The following BMERB1 variants were observed in gnomAD, a reference collection of about 807,000 sequenced individuals.
BMERB1 encodes the protein bMERB domain containing 1, also known as bMERB domain-containing protein 1.
Under a neutral mutation model 23.6 loss-of-function variants are expected in BMERB1, and 12 were observed. That is an observed-to-expected ratio of 0.51 (90% CI 0.33 to 0.82). BMERB1 has a LOEUF of 0.82. Among genes scored for constraint, BMERB1 ranks in the 40% least tolerant of loss-of-function variants. The probability of loss-of-function intolerance (pLI) is 0.03; values close to 1 mark genes in which losing one functional copy is unlikely to be tolerated. For missense variants in BMERB1, 247 were observed against 255.4 expected (o/e 0.97, Z 0.22); for synonymous variants, 122 against 96.6 (o/e 1.26, Z -1.54).
intron 2 of BMERB1, among the ~76,000 whole-genome samples, chr16:15,547,466 C>T (rs937168106): frequency 5.3e-5 from 8 of 151,718 alleles, no homozygotes; most frequent in African/African-American, 1.9e-4. Flanking sequence ...TGCAGCCTCC[C>T]AAAGTAGCTA....
intron 2 of BMERB1, among the ~76,000 whole-genome samples, chr16:15,548,952 A>G (rs4781673): frequency 0.21 from 31,308 of 151,918 alleles, 3,748 homozygotes; most frequent in East Asian, 0.52. Flanking sequence ...GCTAAGCAGG[A>G]ATGGGTGGGA....
Position 15,435,919 on chromosome 16 carries a change from T to C in BMERB1, c.106+1160T>C, listed in dbSNP as rs981122485. 3.9e-5 allele frequency among the ~76,000 whole-genome samples: 6 copies of C among 152,276 alleles called. 1 individual carries two copies. In the East Asian group the frequency reaches 1.2e-3, roughly 29 times the overall value. On this transcript the variant is annotated intron_variant, in intron 1 of 5. Transcript: ENST00000300006. ...GATGTCATAGCACTGCCAACCTCTT[T>C]CCTTTTCTTTTTTTTTCTCCCTTTT... is the stretch of plus-strand genomic sequence containing the variant.
rs146875454 is a variant in BMERB1 at position 15,585,057 on chromosome 16, C to G, written c.503-1660C>G. On this transcript the variant is annotated intron_variant, in intron 5 of 5. Transcript: ENST00000300006. ...CCAAAAGCTGCCACTGTCTATAAAA[C>G]TACAAACCCAGTTTTCATTAACATC... is the stretch of plus-strand genomic sequence containing the variant. Among the ~76,000 whole-genome samples, 213 of 152,326 alleles carry G rather than the reference C, an allele frequency of 1.4e-3. 1 individual carries two copies. Among genetic ancestry groups the G allele is most frequent in the South Asian group, 2.5e-3 (12 of 4,824 alleles).
intron 2 of BMERB1, among the ~76,000 whole-genome samples, chr16:15,528,833 C>T (rs571359713): frequency 2.0e-5 from 3 of 152,154 alleles, no homozygotes; most frequent in East Asian, 3.9e-4. Flanking sequence ...GTCATGAGGG[C>T]AGATCCTCAT....
chr16:15,459,269 A>G (rs116859118), intron 1 of BMERB1, among the ~76,000 whole-genome samples: 6 of 152,240 alleles, frequency 3.9e-5, no homozygotes, highest in Non-Finnish European at 8.8e-5. Context: ...TGTAAATCCA[A>G]CCACATCAAT....
chr16:15,484,938 G>T (rs2051355283), intron 1 of BMERB1, among the ~76,000 whole-genome samples: 1 of 152,080 alleles, frequency 6.6e-6, no homozygotes, highest in Admixed American at 6.5e-5. Flanking sequence ...TGGATCCAAG[G>T]GATCAAATGC....
At chr16:15,487,108 C>T (rs1007451250) in intron 1 of BMERB1, among the ~76,000 whole-genome samples, 1 of 152,062 alleles carries the variant, frequency 6.6e-6, no homozygotes, top group Non-Finnish European at 1.5e-5. Flanking sequence ...GCTGAATAAC[C>T]ATTACTAAGA....
At chr16:15,542,212 T>C (rs13331486) in intron 2 of BMERB1, among the ~76,000 whole-genome samples, 19,581 of 151,890 alleles carry the variant, frequency 0.13, 3,970 homozygotes, top group African/African-American at 0.43. Context: ...TACAGGCACG[T>C]GCCATCACAC....
chr16:15,502,178 C>A, intron 1 of BMERB1: 2 of 1,018,948 alleles, frequency 2.0e-6, no homozygotes, highest in South Asian at 1.5e-5. Context: ...TCCTGAATTA[C>A]TTTTGTGTCC....
intron 1 of BMERB1, among the ~76,000 whole-genome samples, chr16:15,476,319 T>C (rs753008025): frequency 1.3e-5 from 2 of 151,956 alleles, no homozygotes; most frequent in Non-Finnish European, 2.9e-5. Context: ...CCCACCACCA[T>C]ACCCGGCTAA....
intron 1 of BMERB1, among the ~76,000 whole-genome samples, chr16:15,482,107 T>C (rs1457013080): frequency 6.6e-6 from 1 of 152,082 alleles, no homozygotes; most frequent in African/African-American, 2.4e-5. Context: ...CCTGGCAGGA[T>C]AGGGTCCACT....
chr16:15,447,090 C>G (rs780043689), intron 1 of BMERB1, among the ~76,000 whole-genome samples: 4 of 152,164 alleles, frequency 2.6e-5, no homozygotes, highest in African/African-American at 4.8e-5. Flanking sequence ...CTCTGAATTT[C>G]AGTTTTCTCA....
chr16:15,574,068 G>A (rs1453614999), intron 3 of BMERB1, among the ~76,000 whole-genome samples: 1 of 149,966 alleles, frequency 6.7e-6, no homozygotes, highest in Admixed American at 6.7e-5. Flanking sequence ...AGGTTTCATT[G>A]ACTCACAGTT....
rs149168882 is a variant in BMERB1, at chr16:15,585,717, C to G, written c.503-1000C>G. ...TGGTGGCGCACACCTGTAATCCCAG[C>G]TACTCAGGAGGCTGAGCAGGAGAAT... is the stretch of plus-strand genomic sequence containing the variant. On this transcript the variant is annotated intron_variant, in intron 5 of 5. Coordinates refer to ENST00000300006, the MANE Select transcript of BMERB1 (RefSeq NM_033201.3). Among the ~76,000 whole-genome samples the G allele has an allele frequency of 7.8e-3, 1,194 of 152,232 alleles. 20 individuals carry two copies. The highest frequency in any genetic ancestry group is 0.028 in the African/African-American group (1,162 of 41,534).
chr16:15,582,107 A>G (rs1239424843), intron 4 of BMERB1, among the ~76,000 whole-genome samples: 4 of 152,166 alleles, frequency 2.6e-5, no homozygotes, highest in African/African-American at 4.8e-5. Flanking sequence ...TCCAAATATT[A>G]TATTCTATGG....
At chr16:15,439,535 A>T (rs544233319) in intron 1 of BMERB1, among the ~76,000 whole-genome samples, 3 of 152,250 alleles carry the variant, frequency 2.0e-5, no homozygotes, top group African/African-American at 7.2e-5. Context: ...AATTCTGGTT[A>T]ATGATTCTGT....
At chr16:15,514,923 A>G (rs1266892166) in intron 1 of BMERB1, among the ~76,000 whole-genome samples, 1 of 152,108 alleles carries the variant, frequency 6.6e-6, no homozygotes, top group Non-Finnish European at 1.5e-5. Context: ...ACTAAAAAAT[A>G]TACAACAAAT....
At chr16:15,564,302 TTG>T (rs926683366) in intron 2 of BMERB1, among the ~76,000 whole-genome samples, 1 of 152,220 alleles carries the variant, frequency 6.6e-6, no homozygotes, top group African/African-American at 2.4e-5. Context: ...ACATGTTTTT[TTG>T]TGTGTGTGTA....
chr16:15,449,927 T>G (rs2051027539), intron 1 of BMERB1, among the ~76,000 whole-genome samples: 1 of 151,950 alleles, frequency 6.6e-6, no homozygotes, highest in Non-Finnish European at 1.5e-5. Flanking sequence ...AATTTTTTTT[T>G]TTTTGGTAGA....
Sources: allele counts gnomAD v4.1 joint callset (sites outside exome capture counted in the v4.1 genomes callset), GRCh38; gene constraint gnomAD v4.1.1; transcripts MANE v1.5; gene names NCBI Gene and HGNC (gene_info 2026-07-23, HGNC 2026-07-21).